Variants in ARMH3 observed in about 807,000 individuals in gnomAD.
The protein encoded by ARMH3 is armadillo like helical domain containing 3.
ARMH3 carries 60 observed loss-of-function variants against 99.1 expected under a neutral mutation model. The ratio of observed to expected loss-of-function variants is 0.61; its 90% CI spans 0.49 to 0.75. The LOEUF (loss-of-function observed/expected upper bound fraction) is 0.75, where lower values mean the gene tolerates loss of function less well. ARMH3 is among the 30% of genes least tolerant of loss of function. The pLI, the probability that ARMH3 is intolerant of heterozygous loss-of-function variation, is 0.00. For synonymous variants in ARMH3, 285 were observed against 292.8 expected (o/e 0.97, Z 0.27); for missense variants, 679 against 843.1 (o/e 0.81, Z 2.41).
intron 20 of ARMH3, among the ~76,000 whole-genome samples, chr10:101,961,613 G>A (rs951746031): frequency 6.6e-6 from 1 of 152,172 alleles, no homozygotes; most frequent in South Asian, 2.1e-4. Flanking sequence ...TTCAAGGACA[G>A]CAGAGAACTG....
intron 4 of ARMH3, among the ~76,000 whole-genome samples, chr10:102,032,674 A>G (rs2067158474): frequency 3.3e-5 from 5 of 152,268 alleles, no homozygotes; most frequent in Admixed American, 3.3e-4. Context: ...TGCTAGGATT[A>G]CAGGCGTGAA....
intron 22 of ARMH3, among the ~76,000 whole-genome samples, chr10:101,944,267 TATATATAGAGAGAGAG>T (rs1324764286): frequency 7.8e-5 from 4 of 51,140 alleles, no homozygotes; most frequent in African/African-American, 3.1e-4. Flanking sequence ...TATATATATA[TATATATAGAGAGAGAG>T]AGAGAGAGAG....
In ARMH3 at chr10:101,889,342, G is replaced by T. The variant is rs1041423111; in HGVS notation, c.1860+70C>A. On this transcript the variant is annotated intron_variant, in intron 24 of 25. Coordinates refer to ENST00000370033, the MANE Select transcript of ARMH3 (RefSeq NM_024541.3). ...AAAAGCTCAGTCACAGAATCCCCCT[G>T]CCATCAGAGAGAAGGCAACTGCTTG... is the stretch of plus-strand genomic sequence containing the variant. The T allele has an allele frequency of 2.9e-6, 4 of 1,403,214 alleles. No individual in the cohort carries two copies. In the African/African-American group the frequency reaches 4.3e-5, roughly 15 times the overall value. 86.9% of individuals were successfully genotyped at this position (1,403,214 alleles called of 1,614,324 possible).
In ARMH3 at chr10:101,957,645, C is replaced by T; in HGVS notation, c.1578+5G>A. The T allele has an allele frequency of 6.2e-7, 1 of 1,603,414 alleles. No individual in the cohort carries two copies. Among genetic ancestry groups the T allele is most frequent in the Non-Finnish European group, 8.5e-7 (1 of 1,176,262 alleles). Reference sequence around the variant, plus strand: ...AGAAAAAGAAGTATTTGTTTTGATACTCACCATAAGGGCTAATGTAAAAAT... The same window carrying T: ...AGAAAAAGAAGTATTTGTTTTGATATTCACCATAAGGGCTAATGTAAAAAT... On this transcript the variant is annotated splice_donor_5th_base_variant and intron_variant, in intron 21 of 25. Coordinates refer to ENST00000370033, the MANE Select transcript of ARMH3 (RefSeq NM_024541.3).
chr10:101,915,505 G>C (rs1483193877), intron 23 of ARMH3, among the ~76,000 whole-genome samples: 1 of 152,180 alleles, frequency 6.6e-6, no homozygotes, highest in African/African-American at 2.4e-5. Context: ...ACTGAATAGA[G>C]ATAGTTTGGC....
intron 23 of ARMH3, among the ~76,000 whole-genome samples, chr10:101,905,941 TAC>T (rs1184507118): frequency 6.6e-6 from 1 of 152,236 alleles, no homozygotes; most frequent in African/African-American, 2.4e-5. Flanking sequence ...ATCATTCTTA[TAC>T]AGAGTGTTTA....
At position 102,007,159 on chromosome 10, in the gene ARMH3, C is replaced by CAAAAAAAAAA. The variant is rs10639768; in HGVS notation, c.955-536_955-527dup. 5.7e-3 allele frequency among the ~76,000 whole-genome samples: 342 copies of CAAAAAAAAAA among 59,966 alleles called. 10 individuals carry two copies. The highest frequency in any genetic ancestry group is 0.045 in the Middle Eastern group (3 of 66). The allele number at this position is 59,966 out of a possible 152,430, so 39.3% of individuals were successfully genotyped here. Reference sequence around the variant, plus strand: ...CTGGTGACACAGCAAGACTCTATCTCAAAAAAAAAAAAAAAAAAAGAAAAA... The same window carrying CAAAAAAAAAA: ...CTGGTGACACAGCAAGACTCTATCTCAAAAAAAAAAAAAAAAAAAAAAAAAAAAAGAAAAA... On this transcript the variant is annotated intron_variant, in intron 13 of 25. Coordinates refer to ENST00000370033, the MANE Select transcript of ARMH3 (RefSeq NM_024541.3).
chr10:102,053,242 GA>G (rs1183358729), intron 1 of ARMH3, among the ~76,000 whole-genome samples: 12 of 117,424 alleles, frequency 1.0e-4, no homozygotes, highest in South Asian at 2.8e-4. Context: ...AAAAAAAAGA[GA>G]AAAAAATTCC....
Position 102,009,982 on chromosome 10 carries a change from TGA to T in ARMH3, c.871_872del (p.Val292ThrfsTer4). 6.2e-7 allele frequency: 1 copy of T among 1,614,016 alleles called. No individual in the cohort carries two copies. The highest frequency in any genetic ancestry group is 2.2e-5 in the East Asian group (1 of 44,886). Reference protein sequence around the residue: ...MFIADAHEKISVQTNEAILLA... With the variant: ...MFIADAHEKIXVQTNEAILLA... ...CAAGAATGTCAGGCACTTACTGTACTGAGATTTTCTCATGGGCATCTGCTATG... is the reference window on the plus strand; with the variant it reads ...CAAGAATGTCAGGCACTTACTGTACTGATTTTCTCATGGGCATCTGCTATG... On this transcript the variant is annotated frameshift_variant, in exon 12 of 26. Coordinates refer to ENST00000370033, the MANE Select transcript of ARMH3 (RefSeq NM_024541.3). LOFTEE classifies it high-confidence loss of function.
chr10:101,989,884 A>C (rs542665924), intron 19 of ARMH3, among the ~76,000 whole-genome samples: 96 of 152,326 alleles, frequency 6.3e-4, no homozygotes, highest in South Asian at 5.2e-3. Flanking sequence ...CAGAAGCGCT[A>C]TCTCTCTCTA....
chr10:101,963,143 ATTT>A (rs11455511), intron 20 of ARMH3, among the ~76,000 whole-genome samples: 1 of 112,224 alleles, frequency 8.9e-6, no homozygotes, highest in Non-Finnish European at 1.9e-5. Flanking sequence ...ATAATTTTGC[ATTT>A]TTTTTTTTTT....
At chr10:101,991,432 G>A (rs1263030619) in intron 18 of ARMH3, among the ~76,000 whole-genome samples, 1 of 152,040 alleles carries the variant, frequency 6.6e-6, no homozygotes, top group Admixed American at 6.6e-5. Context: ...CCCAGCTGGA[G>A]TGCAATGCCG....
At chr10:101,894,630 T>C (rs2135466552) in intron 23 of ARMH3, among the ~76,000 whole-genome samples, 1 of 152,272 alleles carries the variant, frequency 6.6e-6, no homozygotes, top group South Asian at 2.1e-4. Flanking sequence ...CCATTTTCTT[T>C]AGGCTTTCCT....
At chr10:102,012,804 C>T in intron 10 of ARMH3, 29 bp downstream of exon 10, 1 of 1,587,854 alleles carries the variant, frequency 6.3e-7, no homozygotes. Flanking sequence ...AAAATCAGAC[C>T]CCCTTCCATT....
intron 20 of ARMH3, among the ~76,000 whole-genome samples, chr10:101,966,091 CTTTTTCTTTTCTTTTTTTTTTTTTT>C (rs1163687844): frequency 6.8e-6 from 1 of 146,440 alleles, no homozygotes; most frequent in Non-Finnish European, 1.5e-5. Context: ...ATTTTTTTTT[CTTTTTCTTTTCTTTTTTTTTTTTTT>C]TTTTTAGACA....
At chr10:101,875,347 C>A (rs1440896924) in intron 24 of ARMH3, among the ~76,000 whole-genome samples, 1 of 152,104 alleles carries the variant, frequency 6.6e-6, no homozygotes, top group Non-Finnish European at 1.5e-5. Context: ...GACTTTCTAT[C>A]CAAGATAATC....
intron 15 of ARMH3, among the ~76,000 whole-genome samples, chr10:101,998,858 TC>T (rs779231737): frequency 6.6e-6 from 1 of 152,190 alleles, no homozygotes; most frequent in Non-Finnish European, 1.5e-5. Context: ...CATTAATCTC[TC>T]CTCACAGAAA....
At chr10:101,939,112 G>A (rs1844124045) in intron 23 of ARMH3, among the ~76,000 whole-genome samples, 1 of 152,176 alleles carries the variant, frequency 6.6e-6, no homozygotes. Context: ...TACATCTGGA[G>A]CTAAATCAAG....
At chr10:101,861,221 T>C (rs2066858342) in intron 24 of ARMH3, among the ~76,000 whole-genome samples, 1 of 152,110 alleles carries the variant, frequency 6.6e-6, no homozygotes, top group South Asian at 2.1e-4. Flanking sequence ...ACACATTATG[T>C]ATAGAGGAAC....
Sources: allele counts gnomAD v4.1 joint callset (sites outside exome capture counted in the v4.1 genomes callset), GRCh38; gene constraint gnomAD v4.1.1; transcripts MANE v1.5; gene names NCBI Gene and HGNC (gene_info 2026-07-23, HGNC 2026-07-21).